CTNNA3: variants seen among roughly 807,000 people sequenced by gnomAD.
The protein encoded by CTNNA3 is catenin alpha 3.
In CTNNA3, 76 loss-of-function variants were observed where a neutral mutation model predicts 95.7. The ratio of observed to expected loss-of-function variants is 0.79; its 90% confidence interval spans 0.66 to 0.96. The LOEUF (loss-of-function observed/expected upper bound fraction) is 0.96, where lower values mean the gene tolerates loss of function less well. CTNNA3 is among the 40% of genes least tolerant of loss of function. The pLI is 0.00. For synonymous variants in CTNNA3, 431 were observed against 374.4 expected (o/e 1.15, Z -1.74); for missense variants, 1,191 against 1,089.8 (o/e 1.09, Z -1.31).
At chr10:66,161,071 C>T (rs891708794) in intron 13 of CTNNA3, among the ~76,000 whole-genome samples, 1 of 152,118 alleles carries the variant, frequency 6.6e-6, no homozygotes, top group Non-Finnish European at 1.5e-5. Flanking sequence ...TTATGTGAGT[C>T]CTTATGTGTA....
At chr10:66,298,292 G>A (rs1200116674) in intron 12 of CTNNA3, among the ~76,000 whole-genome samples, 2 of 152,070 alleles carry the variant, frequency 1.3e-5, no homozygotes, top group African/African-American at 4.8e-5. Flanking sequence ...GGAGACACAA[G>A]GCATTTGGAA....
At chr10:66,674,472 C>T (rs7908900) in intron 9 of CTNNA3, among the ~76,000 whole-genome samples, 83,980 of 151,634 alleles carry the variant, frequency 0.55, 23,983 homozygotes, top group African/African-American at 0.68. Flanking sequence ...ATTAACTATG[C>T]CTCAGTTTTC....
intron 5 of CTNNA3, among the ~76,000 whole-genome samples, chr10:67,400,180 A>G (rs1225086158): frequency 6.6e-6 from 1 of 151,726 alleles, no homozygotes; most frequent in African/African-American, 2.4e-5. Flanking sequence ...ACTCTTGAAT[A>G]CATATACCAA....
intron 10 of CTNNA3, among the ~76,000 whole-genome samples, chr10:66,584,126 T>G (rs975923077): frequency 6.6e-6 from 1 of 151,942 alleles, no homozygotes; most frequent in Non-Finnish European, 1.5e-5. Context: ...GAATCTTCCA[T>G]GTGCTGATGA....
At chr10:66,973,914 G>A (rs899108246) in intron 7 of CTNNA3, among the ~76,000 whole-genome samples, 4 of 152,090 alleles carry the variant, frequency 2.6e-5, no homozygotes, top group Admixed American at 6.6e-5. Flanking sequence ...GAACCACCGC[G>A]TCCAGCCTTA....
intron 13 of CTNNA3, among the ~76,000 whole-genome samples, chr10:66,254,783 C>T (rs1181773557): frequency 6.6e-6 from 1 of 152,140 alleles, no homozygotes; most frequent in Non-Finnish European, 1.5e-5. Context: ...TGGCTGAGGC[C>T]ACTCTTCAGT....
At chr10:66,606,595 A>G (rs1291020322) in intron 10 of CTNNA3, among the ~76,000 whole-genome samples, 1 of 152,148 alleles carries the variant, frequency 6.6e-6, no homozygotes, top group East Asian at 1.9e-4. Context: ...ATCAAATTAG[A>G]AATCAAGCCT....
chr10:67,266,328 G>A (rs918287334), intron 5 of CTNNA3, among the ~76,000 whole-genome samples: 5 of 152,054 alleles, frequency 3.3e-5, no homozygotes, highest in African/African-American at 9.7e-5. Flanking sequence ...TCAGAGGGGA[G>A]GCTATCCTCC....
At chr10:67,583,301 T>G (rs1002929079) in intron 3 of CTNNA3, among the ~76,000 whole-genome samples, 1 of 152,202 alleles carries the variant, frequency 6.6e-6, no homozygotes, top group Admixed American at 6.5e-5. Context: ...AATATTTTAT[T>G]TCTCCTTCAC....
intron 10 of CTNNA3, among the ~76,000 whole-genome samples, chr10:66,618,090 T>A (rs945593790): frequency 6.6e-6 from 1 of 152,166 alleles, no homozygotes; most frequent in African/African-American, 2.4e-5. Context: ...GAACATTCCA[T>A]GCTCATGGAT....
chr10:67,605,763 C>T (rs1206277012), intron 3 of CTNNA3, among the ~76,000 whole-genome samples: 1 of 151,948 alleles, frequency 6.6e-6, no homozygotes, highest in Admixed American at 6.5e-5. Context: ...ACTGCAACCT[C>T]TGCCTCCCAG....
At chr10:66,000,105 A>G (rs1564568957) in intron 15 of CTNNA3, among the ~76,000 whole-genome samples, 1 of 152,182 alleles carries the variant, frequency 6.6e-6, no homozygotes, top group Non-Finnish European at 1.5e-5. Context: ...TAATTTTAAA[A>G]CATTATGGGT....
intron 7 of CTNNA3, among the ~76,000 whole-genome samples, chr10:66,960,721 A>G (rs1849062682): frequency 6.6e-6 from 1 of 152,132 alleles, no homozygotes; most frequent in African/African-American, 2.4e-5. Context: ...TAAAATTTTA[A>G]GGGGGAAATA....
chr10:65,956,304 G>A (rs553602912), intron 17 of CTNNA3, among the ~76,000 whole-genome samples: 14 of 151,852 alleles, frequency 9.2e-5, no homozygotes, highest in African/African-American at 1.2e-4. Flanking sequence ...TCTTTCTAGC[G>A]GTCTATCAAT....
At chr10:66,874,831 TTA>T (rs1169382608) in intron 7 of CTNNA3, among the ~76,000 whole-genome samples, 1 of 152,190 alleles carries the variant, frequency 6.6e-6, no homozygotes, top group Non-Finnish European at 1.5e-5. Context: ...ATTCGTTCAT[TTA>T]TGTTATTCAT....
intron 13 of CTNNA3, among the ~76,000 whole-genome samples, chr10:66,214,745 T>C (rs1481052329): frequency 2.0e-5 from 3 of 152,164 alleles, no homozygotes; most frequent in Non-Finnish European, 4.4e-5. Flanking sequence ...TTTGCCGTTT[T>C]AGTCTATTAG....
At chr10:67,183,741 C>A (rs1000102743) in intron 6 of CTNNA3, among the ~76,000 whole-genome samples, 2 of 151,322 alleles carry the variant, frequency 1.3e-5, no homozygotes, top group East Asian at 3.9e-4. Flanking sequence ...AAAAAGTTCA[C>A]GTAAAAAGTG....
At chr10:67,532,782 A>C (rs1254004180) in intron 4 of CTNNA3, among the ~76,000 whole-genome samples, 3 of 152,196 alleles carry the variant, frequency 2.0e-5, no homozygotes, top group African/African-American at 7.2e-5. Flanking sequence ...GTCATATATC[A>C]TTCAGTCTTC....
intron 10 of CTNNA3, among the ~76,000 whole-genome samples, chr10:66,594,845 A>G (rs1843659601): frequency 6.6e-6 from 1 of 152,080 alleles, no homozygotes; most frequent in South Asian, 2.1e-4. Context: ...AATCTTTTGT[A>G]CTTCACTTTC....
Sources: gnomAD v4.1 joint callset for allele counts (sites outside exome capture counted in the v4.1 genomes callset) on GRCh38, gnomAD v4.1.1 for gene constraint, MANE v1.5 for transcripts, NCBI Gene and HGNC (gene_info 2026-07-23, HGNC 2026-07-21) for gene names.